PCK1: variants seen among roughly 807,000 people sequenced by gnomAD.
The protein encoded by PCK1 is phosphoenolpyruvate carboxykinase 1.
PCK1 carries 44 observed loss-of-function variants against 50.3 expected under a neutral mutation model. That is an observed-to-expected ratio of 0.87 (90% CI 0.69 to 1.12). The LOEUF (loss-of-function observed/expected upper bound fraction) is 1.12, where lower values mean the gene tolerates loss of function less well. PCK1 is among the 50% of genes most tolerant of loss of function. The pLI is 0.00. For missense variants in PCK1, 790 were observed against 815.0 expected (o/e 0.97, Z 0.37); for synonymous variants, 332 against 314.3 (o/e 1.06, Z -0.59).
Position 57,563,169 on chromosome 20 carries a change from C to G in PCK1, c.752C>G (p.Ala251Gly), listed in dbSNP as rs2070168007. The change falls in exon 5 of 10, where the codon GCC (alanine) becomes GGC (glycine). Residue 251 changes from alanine to glycine, a missense_variant. Ala to Gly is a moderately conservative substitution (Grantham distance 60). Transcript: ENST00000319441. ...LGKKCFALRM[A>G]SRLAKEEGWL... is the part of the protein sequence containing the mutation. ...AAGAAGTGCTTTGCTCTCAGGATGG[C>G]CAGCCGGCTGGCCAAGGAGGAAGGG... 1 of 1,613,674 alleles carries G rather than the reference C, an allele frequency of 6.2e-7. No individual in the cohort carries two copies. The highest frequency in any genetic ancestry group is 1.3e-5 in the African/African-American group (1 of 75,044).
In PCK1 at chr20:57,568,019, C is replaced by T. The variant is rs992625030; in HGVS notation, c.*2215C>T. 10 of 152,262 alleles carry T rather than the reference C, an allele frequency of 6.6e-5. No individual in the cohort carries two copies. The highest frequency in any genetic ancestry group is 2.4e-4 in the African/African-American group (10 of 41,444). 9.4% of individuals were successfully genotyped at this position (152,262 alleles called of 1,614,324 possible). A position where few individuals can be genotyped will look rare whatever the true frequency, so the allele number is the denominator to read the frequency against. On this transcript the variant is annotated 3_prime_UTR_variant, in exon 10 of 10. Transcript: ENST00000319441. ...ATGTCATTAACTCCTGACTCAGTTT[C>T]CCCAAACCATGCCTCCTGAGTGCTC...
rs1042521 is a variant in PCK1, at chr20:57,561,480, A to C, written c.69A>C (p.Leu23=). The change falls in exon 2 of 10, where the codon CTA becomes CTC. Residue 23 remains leucine, a synonymous_variant. Transcript: ENST00000319441. ...TTGTCCAGGGAAGCCTGGACAGCCTACCCCAGGCAGTGAGGGAGTTTCTCG... is the reference window on the plus strand; with the variant it reads ...TTGTCCAGGGAAGCCTGGACAGCCTCCCCCAGGCAGTGAGGGAGTTTCTCG... The part of the protein sequence containing the change: ...AKVVQGSLDS[L]PQAVREFLEN... 6.2e-7 allele frequency: 1 copy of C among 1,613,560 alleles called. No homozygotes were observed.
At chr20:57,561,938 G>A (rs1029358088) in intron 2 of PCK1, 133 bp from the exon 3 acceptor site, 2 of 702,718 alleles carry the variant, frequency 2.8e-6, no homozygotes, top group South Asian at 1.9e-5. Flanking sequence ...TGTCTTAGAT[G>A]GTCTGTGTGT....
Position 57,565,393 on chromosome 20 carries a change from T to G in PCK1, c.1458T>G (p.Phe486Leu). 6.2e-7 allele frequency: 1 copy of G among 1,614,250 alleles called. No homozygotes were observed. Among genetic ancestry groups the G allele is most frequent in the Non-Finnish European group, 8.5e-7 (1 of 1,180,036 alleles). Residue 486 changes from phenylalanine to leucine, a missense_variant, in exon 10 of 10, where the codon TTT (phenylalanine) becomes TTG (leucine). By Grantham distance (22) the Phe-to-Leu change is conservative (BLOSUM62 0). Coordinates refer to ENST00000319441, the MANE Select transcript of PCK1 (RefSeq NM_002591.4). Reference sequence around the variant, plus strand: ...ACCCCTTTGCCATGCGGCCCTTCTTTGGCTACAACTTCGGCAAATACCTGG... The same window carrying G: ...ACCCCTTTGCCATGCGGCCCTTCTTGGGCTACAACTTCGGCAAATACCTGG... ...MHDPFAMRPF[F>L]GYNFGKYLAH...
intron 8 of PCK1, 37 bp downstream of exon 8, chr20:57,564,650 G>T (rs1185918570): frequency 1.6e-5 from 25 of 1,540,238 alleles, no homozygotes; most frequent in Non-Finnish European, 2.1e-5. Flanking sequence ...GAACATGGGT[G>T]TGCTGGGTAC....
intron 2 of PCK1, 195 bp downstream of exon 2, chr20:57,561,830 G>A (rs927870091): frequency 1.6e-6 from 1 of 606,744 alleles, no homozygotes; most frequent in East Asian, 2.8e-5. Context: ...TAAATGAGGT[G>A]TGTGCACAAA....
Position 57,565,600 on chromosome 20 carries a change from A to T in PCK1, c.1665A>T (p.Ile555=). The change falls in exon 10 of 10, where the codon ATA becomes ATT. Residue 555 remains isoleucine, a synonymous_variant. Coordinates refer to ENST00000319441, the MANE Select transcript of PCK1 (RefSeq NM_002591.4). ...AAGCCAGCACCAAGCTCACGCCCATAGGCTACATCCCCAAGGAGGATGCCC... is the reference window on the plus strand; with the variant it reads ...AAGCCAGCACCAAGCTCACGCCCATTGGCTACATCCCCAAGGAGGATGCCC... The part of the protein sequence containing the change: ...DGKASTKLTP[I]GYIPKEDALN... 6.2e-7 allele frequency: 1 copy of T among 1,614,148 alleles called. No homozygotes were observed.
intron 9 of PCK1, 91 bp from the exon 10 acceptor site, chr20:57,565,259 G>A: frequency 7.6e-7 from 1 of 1,311,332 alleles, no homozygotes; most frequent in Non-Finnish European, 1.1e-6. Context: ...AGAGAGAGAG[G>A]AGAACAAAGC....
chr20:57,564,322 G>A lies in PCK1; in HGVS notation c.1115G>A (p.Gly372Asp), dbSNP rs1465588549. Residue 372 changes from glycine to aspartate, a missense_variant, in exon 7 of 10, where the codon GGC becomes GAC. Physicochemically the swap from Gly to Asp is moderately conservative, Grantham distance 94. Coordinates refer to ENST00000319441, the MANE Select transcript of PCK1 (RefSeq NM_002591.4). Reference protein sequence around the residue: ...ETSDGGVYWEGIDEPLASGVT... With the variant: ...ETSDGGVYWEDIDEPLASGVT... ...AGCGACGGGGGCGTTTACTGGGAAGGCATTGATGAGCCGCTAGCTTCAGGT... is the reference window on the plus strand; with the variant it reads ...AGCGACGGGGGCGTTTACTGGGAAGACATTGATGAGCCGCTAGCTTCAGGT... 6.2e-7 allele frequency: 1 copy of A among 1,614,024 alleles called. No homozygotes were observed. Among genetic ancestry groups the A allele is most frequent in the African/African-American group, 1.3e-5 (1 of 74,922 alleles).
chr20:57,565,942 A>G lies in PCK1; in HGVS notation c.*138A>G. 1.6e-6 allele frequency: 1 copy of G among 626,056 alleles called. No individual in the cohort carries two copies. Among genetic ancestry groups the G allele is most frequent in the Non-Finnish European group, 2.7e-6 (1 of 370,502 alleles). The allele number at this position is 626,056 out of a possible 1,614,324, so 38.8% of individuals were successfully genotyped here. A position where few individuals can be genotyped will look rare whatever the true frequency, so the allele number is the denominator to read the frequency against. ...CACACCGTGAGCAGATCTGAAAGGC[A>G]CACTTTGATTTTTTTAAGGATAAGA... is the stretch of plus-strand genomic sequence containing the variant. On this transcript the variant is annotated 3_prime_UTR_variant, in exon 10 of 10. Coordinates refer to ENST00000319441, the MANE Select transcript of PCK1 (RefSeq NM_002591.4).
chr20:57,563,400 AG>A (rs1290709023), intron 5 of PCK1, 164 bp from the exon 6 acceptor site: 4 of 681,598 alleles, frequency 5.9e-6, no homozygotes, highest in Non-Finnish European at 9.9e-6. Context: ...CCCAAACACC[AG>A]GGGACCATAG....
At chr20:57,562,284 C>T in intron 3 of PCK1, 32 bp downstream of exon 3, 1 of 1,568,382 alleles carries the variant, frequency 6.4e-7, no homozygotes, top group Non-Finnish European at 8.8e-7. Flanking sequence ...TTGGGTAAAA[C>T]AGCAGAGAGC....
chr20:57,564,793 C>G, intron 8 of PCK1, 180 bp downstream of exon 8: 1 of 637,974 alleles, frequency 1.6e-6, no homozygotes, highest in Non-Finnish European at 2.7e-6. Flanking sequence ...CCCTTCTGGT[C>G]ACCTGGAACC....
intron 3 of PCK1, chr20:57,562,461 G>A: frequency 1.6e-6 from 1 of 625,118 alleles, no homozygotes; most frequent in Non-Finnish European, 2.8e-6. Context: ...CTAGTTCCAT[G>A]CATATGGGTT....
At chr20:57,561,337 G>A in intron 1 of PCK1, 35 bp from the exon 2 acceptor site, 1 of 937,166 alleles carries the variant, frequency 1.1e-6, no homozygotes, top group South Asian at 1.5e-5. Flanking sequence ...GTCTGTTGTT[G>A]TTTTTGTTCA....
intron 1 of PCK1, 58 bp from the exon 2 acceptor site, chr20:57,561,314 T>G: frequency 1.4e-6 from 1 of 739,588 alleles, no homozygotes; most frequent in Non-Finnish European, 2.3e-6. Context: ...GGCCGTCGAA[T>G]GTGTTTGAAG....
intron 3 of PCK1, 138 bp from the exon 4 acceptor site, chr20:57,562,558 C>T: frequency 1.4e-6 from 1 of 725,222 alleles, no homozygotes; most frequent in South Asian, 1.8e-5. Flanking sequence ...CCTCTTCTAA[C>T]CCAGGGGGCT....
Position 57,564,517 on chromosome 20 carries a change from A to G in PCK1, c.1222A>G (p.Thr408Ala), listed in dbSNP as rs763241947. 1 of 1,613,814 alleles carries G rather than the reference A, an allele frequency of 6.2e-7. No individual in the cohort carries two copies. The highest frequency in any genetic ancestry group is 1.3e-5 in the African/African-American group (1 of 74,842). Residue 408 changes from threonine to alanine, a missense_variant, in exon 8 of 10, where the codon ACC (threonine) becomes GCC (alanine). Coordinates refer to ENST00000319441, the MANE Select transcript of PCK1 (RefSeq NM_002591.4). The part of the protein sequence containing the change: ...PCAHPNSRFC[T>A]PASQCPIIDA... The stretch of plus-strand genomic sequence containing the variant: ...TGCCCACCCCAACTCGAGGTTCTGC[A>G]CCCCTGCCAGCCAGTGCCCCATCAT...
In PCK1 at chr20:57,562,950, C is replaced by T. The variant is rs372191096; in HGVS notation, c.610+51C>T. Reference sequence around the variant, plus strand: ...AGTCAAAATAAAAAAGAAAGCTGAACGCAAACCCCAGTGAGTGCCTCGGGG... The same window carrying T: ...AGTCAAAATAAAAAAGAAAGCTGAATGCAAACCCCAGTGAGTGCCTCGGGG... On this transcript the variant is annotated intron_variant, in intron 4 of 9. Transcript: ENST00000319441. 290 of 1,581,390 alleles carry T rather than the reference C, an allele frequency of 1.8e-4. 2 individuals carry two copies. The highest frequency in any genetic ancestry group is 3.4e-4 in the Middle Eastern group (2 of 5,936).
Sources: allele counts gnomAD v4.1 joint callset, GRCh38; gene constraint gnomAD v4.1.1; transcripts MANE v1.5; gene names NCBI Gene and HGNC (gene_info 2026-07-23, HGNC 2026-07-21).